The following SLC8A1 variants were observed in gnomAD, a reference collection of about 807,000 sequenced individuals.
SLC8A1 encodes solute carrier family 8 member A1.
SLC8A1 carries 18 observed loss-of-function variants against 68.3 expected under a neutral mutation model. The observed-to-expected ratio is 0.26, with a 90% CI of 0.18 to 0.39. The LOEUF (loss-of-function observed/expected upper bound fraction) is 0.39, where lower values mean the gene tolerates loss of function less well. Among genes scored for constraint, SLC8A1 ranks in the 10% least tolerant of loss-of-function variants. The pLI is 1.00. For synonymous variants in SLC8A1, 475 were observed against 415.5 expected (o/e 1.14, Z -1.74); for missense variants, 985 against 1,156.7 (o/e 0.85, Z 2.15).
intron 2 of SLC8A1, among the ~76,000 whole-genome samples, chr2:40,248,744 C>A (rs1237136359): frequency 6.6e-6 from 1 of 152,018 alleles, no homozygotes; most frequent in Non-Finnish European, 1.5e-5. Flanking sequence ...TCATGTGTAT[C>A]CAAATTAAGA....
At chr2:40,253,740 T>A (rs780412153) in intron 2 of SLC8A1, among the ~76,000 whole-genome samples, 2 of 142,146 alleles carry the variant, frequency 1.4e-5, no homozygotes, top group Non-Finnish European at 3.0e-5. Context: ...GGCAGGAGAA[T>A]CACTTAAACC....
intron 2 of SLC8A1, among the ~76,000 whole-genome samples, chr2:40,374,834 T>C (rs1420753744): frequency 1.3e-5 from 2 of 151,286 alleles, no homozygotes; most frequent in Admixed American, 6.6e-5. Context: ...AGATGACATA[T>C]GTTTAAGGAC....
At chr2:40,099,476 C>T (rs1056195808) in exon 8 of SLC8A1, 3 of 151,996 alleles carry the variant, frequency 2.0e-5, no homozygotes, top group African/African-American at 4.8e-5. Context: ...GGATCAACTA[C>T]GGGAATATTA....
intron 7 of SLC8A1, among the ~76,000 whole-genome samples, chr2:40,123,851 T>C (rs983161600): frequency 4.6e-5 from 7 of 152,228 alleles, no homozygotes; most frequent in Non-Finnish European, 7.3e-5. Flanking sequence ...GGTTTGTTAT[T>C]ATATAGATAT....
chr2:40,228,619 G>T (rs1428976512), intron 2 of SLC8A1, among the ~76,000 whole-genome samples: 1 of 152,162 alleles, frequency 6.6e-6, no homozygotes, highest in African/African-American at 2.4e-5. Flanking sequence ...TTCACTGTGG[G>T]CCAACTCCAT....
At chr2:40,226,409 G>C (rs1353244363) in intron 2 of SLC8A1, among the ~76,000 whole-genome samples, 1 of 152,110 alleles carries the variant, frequency 6.6e-6, no homozygotes, top group African/African-American at 2.4e-5. Context: ...TTATAATGAA[G>C]GCTTGGAAAT....
intron 2 of SLC8A1, among the ~76,000 whole-genome samples, chr2:40,287,736 C>G (rs949466982): frequency 6.6e-6 from 1 of 151,766 alleles, no homozygotes; most frequent in Non-Finnish European, 1.5e-5. Context: ...GGATGGGAAA[C>G]TGGCATGGGG....
intron 2 of SLC8A1, among the ~76,000 whole-genome samples, chr2:40,224,049 T>C (rs2148857741): frequency 6.6e-6 from 1 of 152,158 alleles, no homozygotes; most frequent in South Asian, 2.1e-4. Flanking sequence ...CATAAATACA[T>C]CCACCACAAC....
exon 8 of SLC8A1, chr2:40,115,224 A>G: frequency 3.4e-6 from 5 of 1,459,420 alleles, no homozygotes; most frequent in Non-Finnish European, 4.6e-6. Flanking sequence ...ATATGTATAT[A>G]TATAAATTTA....
chr2:40,195,887 AAAATC>A (rs1361967163), intron 2 of SLC8A1: 4 of 152,108 alleles, frequency 2.6e-5, no homozygotes, highest in Non-Finnish European at 4.4e-5. Flanking sequence ...CCTTAAAAGA[AAAATC>A]AAAGAAATGT....
chr2:40,444,189 A>T (rs1701019146), intron 1 of SLC8A1, among the ~76,000 whole-genome samples: 2 of 152,092 alleles, frequency 1.3e-5, no homozygotes, highest in African/African-American at 4.8e-5. Context: ...AAATTAAAAA[A>T]TTAGCCAGGC....
At chr2:40,166,250 A>C (rs551835806) in intron 4 of SLC8A1, among the ~76,000 whole-genome samples, 1 of 152,128 alleles carries the variant, frequency 6.6e-6, no homozygotes, top group Non-Finnish European at 1.5e-5. Flanking sequence ...GCAGGGAATG[A>C]ATGGTTCCTA....
intron 1 of SLC8A1, among the ~76,000 whole-genome samples, chr2:40,443,119 G>A (rs1348477623): frequency 1.3e-5 from 2 of 152,114 alleles, no homozygotes; most frequent in Non-Finnish European, 1.5e-5. Flanking sequence ...TTGGGGGCAA[G>A]GGGAGGGAGA....
intron 2 of SLC8A1, among the ~76,000 whole-genome samples, chr2:40,328,932 G>A (rs184860406): frequency 6.6e-6 from 1 of 152,110 alleles, no homozygotes; most frequent in East Asian, 1.9e-4. Flanking sequence ...TCACTTGTCT[G>A]CCCAAGGACT....
chr2:40,241,872 G>T (rs1159811948), intron 2 of SLC8A1, among the ~76,000 whole-genome samples: 3 of 104,678 alleles, frequency 2.9e-5, no homozygotes, highest in Non-Finnish European at 5.3e-5. Context: ...CAGAAAAATA[G>T]ATATCAGTTT....
intron 2 of SLC8A1, chr2:40,250,592 C>T (rs552849108): frequency 7.8e-4 from 118 of 152,132 alleles, no homozygotes; most frequent in African/African-American, 2.6e-3. Context: ...AGTGACTCTT[C>T]GAGTTATTCT....
At chr2:40,487,038 A>G (rs754090684) in intron 1 of SLC8A1, among the ~76,000 whole-genome samples, 95 of 152,056 alleles carry the variant, frequency 6.2e-4, no homozygotes, top group Non-Finnish European at 1.1e-3. Context: ...CCGGGGCTTA[A>G]TATGTTTTTA....
At chr2:40,457,039 T>C (rs1703064201), upstream of SLC8A1, among the ~76,000 whole-genome samples, 2 of 152,228 alleles carry the variant, frequency 1.3e-5, no homozygotes, top group South Asian at 4.1e-4. Context: ...TTCCCTTATG[T>C]CTGGGTATCA....
chr2:40,258,523 G>A (rs1352914624), intron 2 of SLC8A1, among the ~76,000 whole-genome samples: 3 of 142,408 alleles, frequency 2.1e-5, no homozygotes, highest in Non-Finnish European at 4.6e-5. Flanking sequence ...AAGTGTAAGG[G>A]CTTTGATCTT....
Sources: allele counts gnomAD v4.1 joint callset (sites outside exome capture counted in the v4.1 genomes callset), GRCh38; gene constraint gnomAD v4.1.1; transcripts MANE v1.5; gene names NCBI Gene and HGNC (gene_info 2026-07-23, HGNC 2026-07-21).